The following GAS6 variants were observed in gnomAD, a reference collection of about 807,000 sequenced individuals.
GAS6 encodes the protein growth arrest specific 6, also known as growth arrest-specific protein 6.
Under a neutral mutation model 75.8 loss-of-function variants are expected in GAS6, and 41 were observed. That is an observed-to-expected ratio of 0.54 (90% CI 0.42 to 0.70). The LOEUF is 0.70. GAS6 is among the 30% of genes least tolerant of loss of function. The probability of loss-of-function intolerance (pLI) is 0.00; values close to 1 mark genes in which losing one functional copy is unlikely to be tolerated. For synonymous variants in GAS6, 432 were observed against 412.6 expected, an observed-to-expected ratio of 1.05 and a Z score of -0.57; for missense variants, 854 against 940.2, an observed-to-expected ratio of 0.91 and a Z score of 1.20.
Position 113,863,609 on chromosome 13 carries a change from TC to T in GAS6, c.220del (p.Glu74ArgfsTer20). Reference sequence around the variant, plus strand: ...GTCGTTCTCGAACACCTCCCGCGCCTCCTCGCGGCTGCACAGCTCCTCCACG... The same window carrying T: ...GTCGTTCTCGAACACCTCCCGCGCCTCTCGCGGCTGCACAGCTCCTCCACG... ...ECVEELCSRE[E>X]AREVFENDPE... On this transcript the variant is annotated frameshift_variant, in exon 2 of 15. Coordinates refer to ENST00000327773, the MANE Select transcript of GAS6 (RefSeq NM_000820.4). LOFTEE classifies it high-confidence loss of function. The surrounding 1 kb of genome is among the most constrained non-coding windows in gnomAD (Gnocchi z 9.4). The T allele has an allele frequency of 6.6e-7, 1 of 1,523,690 alleles. No homozygotes were observed. Among genetic ancestry groups the T allele is most frequent in the Admixed American group, 2.0e-5 (1 of 49,266 alleles). 94.4% of individuals were successfully genotyped at this position (1,523,690 alleles called of 1,614,324 possible).
intron 2 of GAS6, among the ~76,000 whole-genome samples, chr13:113,850,908 GGATA>G (rs1376461950): frequency 6.6e-6 from 1 of 152,154 alleles, no homozygotes; most frequent in African/African-American, 2.4e-5. Flanking sequence ...GTGAATCGGT[GGATA>G]GATTAGTGAG....
intron 2 of GAS6, among the ~76,000 whole-genome samples, chr13:113,854,392 G>A (rs1185823435): frequency 3.3e-5 from 5 of 152,250 alleles, no homozygotes; most frequent in South Asian, 2.1e-4. Context: ...GCAGCTGCAC[G>A]GCGGTAACGC....
chr13:113,848,103 C>G lies in GAS6; in HGVS notation c.256-53G>C, dbSNP rs1017496957. 16 of 1,584,174 alleles carry G rather than the reference C, an allele frequency of 1.0e-5. No individual in the cohort carries two copies. The Admixed American group carries it at 1.4e-4, about 14-fold the overall frequency. On this transcript the variant is annotated intron_variant, in intron 2 of 14. Coordinates refer to ENST00000327773, the MANE Select transcript of GAS6 (RefSeq NM_000820.4). The surrounding 1 kb of genome is among the most constrained non-coding windows in gnomAD (Gnocchi z 4.8). The stretch of plus-strand genomic sequence containing the variant: ...GCATTGACCGGCACACTACGAGGGT[C>G]TCTGAACAACATAAGCATCAGCTGG...
chr13:113,855,169 G>A (rs978487662), intron 2 of GAS6, among the ~76,000 whole-genome samples: 1 of 151,578 alleles, frequency 6.6e-6, no homozygotes, highest in African/African-American at 2.4e-5. Flanking sequence ...CCCCATCTCC[G>A]GTGAGGGCGT....
At position 113,839,849 on chromosome 13, in the gene GAS6, G is replaced by A. The variant is rs1355469016; in HGVS notation, c.345C>T (p.Asn115=). 1 of 1,613,748 alleles carries A rather than the reference G, an allele frequency of 6.2e-7. No individual in the cohort carries two copies. The highest frequency in any genetic ancestry group is 1.3e-5 in the African/African-American group (1 of 75,058). The change falls in exon 5 of 15, where the codon AAC becomes AAT. Residue 115 remains asparagine (N), a splice_region_variant and synonymous_variant. Transcript: ENST00000327773. The part of the protein sequence containing the change: ...KNSGFATCVQ[N]LPDQCTPNPC... ...GGTTGGGCGTGCACTGGTCAGGCAGGTCTGATTGGGGACACAAAGTGGAAA... is the reference window on the plus strand; with the variant it reads ...GGTTGGGCGTGCACTGGTCAGGCAGATCTGATTGGGGACACAAAGTGGAAA...
chr13:113,838,559 C>G (rs1188647021), intron 5 of GAS6, among the ~76,000 whole-genome samples: 1 of 130,340 alleles, frequency 7.7e-6, no homozygotes, highest in African/African-American at 3.0e-5. Context: ...ACAGCCCAGC[C>G]CCGGAGCAGG....
At chr13:113,861,036 C>T (rs9577919) in intron 2 of GAS6, among the ~76,000 whole-genome samples, 5,954 of 151,268 alleles carry the variant, frequency 0.039, 197 homozygotes, top group South Asian at 0.11. Context: ...GGAGGGGTGC[C>T]GGGCTTAGTA....
At chr13:113,854,291 C>T (rs1433387182) in intron 2 of GAS6, among the ~76,000 whole-genome samples, 1 of 152,214 alleles carries the variant, frequency 6.6e-6, no homozygotes, top group African/African-American at 2.4e-5. Context: ...CGGTGGGTAA[C>T]CAAGCTCTTC....
intron 11 of GAS6, 35 bp downstream of exon 11, chr13:113,828,512 C>T (rs367737697): frequency 2.0e-5 from 32 of 1,586,276 alleles, no homozygotes; most frequent in African/African-American, 2.7e-5. Flanking sequence ...TCCCAGCACA[C>T]GGCGCGTCTA....
chr13:113,820,654 C>A lies in GAS6; in HGVS notation c.*210G>T. 1 of 572,860 alleles carries A rather than the reference C, an allele frequency of 1.7e-6. No individual in the cohort carries two copies. Among genetic ancestry groups the A allele is most frequent in the Non-Finnish European group, 3.1e-6 (1 of 323,514 alleles). 35.5% of individuals were successfully genotyped at this position (572,860 alleles called of 1,614,324 possible). A position where few individuals can be genotyped will look rare whatever the true frequency, so the allele number is the denominator to read the frequency against. The stretch of plus-strand genomic sequence containing the variant: ...TTATTTTCTTCGAGCCCGCTCTGCG[C>A]TGCGCCGGCCTCCCCGCGCCCGGGC... On this transcript the variant is annotated 3_prime_UTR_variant, in exon 15 of 15. Coordinates refer to ENST00000327773, the MANE Select transcript of GAS6 (RefSeq NM_000820.4).
At chr13:113,846,705 C>T in intron 3 of GAS6, 116 bp from the exon 4 acceptor site, 2 of 807,240 alleles carry the variant, frequency 2.5e-6, no homozygotes, top group South Asian at 2.9e-5. Flanking sequence ...GGGGTGCTAT[C>T]ATCCTCCAGA....
At chr13:113,862,382 G>A (rs145351668) in intron 2 of GAS6, among the ~76,000 whole-genome samples, 2 of 152,344 alleles carry the variant, frequency 1.3e-5, no homozygotes, top group Non-Finnish European at 2.9e-5. Context: ...CCAGCCACAC[G>A]ACCAACCCCA....
intron 2 of GAS6, among the ~76,000 whole-genome samples, chr13:113,851,295 G>A (rs1377986955): frequency 1.3e-5 from 2 of 151,094 alleles, no homozygotes; most frequent in Admixed American, 6.6e-5. Context: ...GAGTGAGTGG[G>A]TGGATGAGTG....
intron 12 of GAS6, among the ~76,000 whole-genome samples, chr13:113,825,954 C>G (rs1380997691): frequency 6.6e-6 from 1 of 152,186 alleles, no homozygotes; most frequent in African/African-American, 2.4e-5. Context: ...GGAGGGGGCG[C>G]TGCCTGCCCT....
In GAS6 at chr13:113,827,145, C is replaced by T. The variant is rs1270513804; in HGVS notation, c.1328G>A (p.Gly443Asp). The T allele has an allele frequency of 6.2e-7, 1 of 1,613,022 alleles. No individual in the cohort carries two copies. Among genetic ancestry groups the T allele is most frequent in the Admixed American group, 1.7e-5 (1 of 59,936 alleles). The part of the protein sequence containing the change: ...LVQPINPRLD[G>D]CMRSWNWLNG... ...CAGCCAGTTCCAGCTCCTCATGCAG[C>T]CATCCAGACGAGGGTTTATCTGGAA... is the stretch of plus-strand genomic sequence containing the variant. Residue 443 changes from glycine to aspartate, a missense_variant, in exon 12 of 15, where the codon GGC becomes GAC. Coordinates refer to ENST00000327773, the MANE Select transcript of GAS6 (RefSeq NM_000820.4).
At chr13:113,849,392 C>A (rs1281197897) in intron 2 of GAS6, among the ~76,000 whole-genome samples, 3 of 152,164 alleles carry the variant, frequency 2.0e-5, no homozygotes, top group Non-Finnish European at 4.4e-5. Context: ...ACCAAGTGAG[C>A]CCTGGTGGAG....
At chr13:113,856,888 C>CA (rs968182738) in intron 2 of GAS6, among the ~76,000 whole-genome samples, 19 of 152,202 alleles carry the variant, frequency 1.2e-4, no homozygotes, top group African/African-American at 4.1e-4. Context: ...AATGTTGACT[C>CA]AGAGAGTGGC....
rs975153732 is a variant in GAS6, at chr13:113,837,505, A to G, written c.589+564T>C. ...TGCAAAGTGGCAAAGGGCCAGTGGCAGCAGCAGCACCTGGAACAGCGTCGG... is the reference window on the plus strand; with the variant it reads ...TGCAAAGTGGCAAAGGGCCAGTGGCGGCAGCAGCACCTGGAACAGCGTCGG... On this transcript the variant is annotated intron_variant, in intron 6 of 14. Transcript: ENST00000327773. This position sits in a 1 kb window ranked among gnomAD's most constrained non-coding sequence, Gnocchi z 5.1. Among the ~76,000 whole-genome samples, 1 of 152,152 alleles carries G rather than the reference A, an allele frequency of 6.6e-6. No individual in the cohort carries two copies. Among genetic ancestry groups the G allele is most frequent in the South Asian group, 2.1e-4 (1 of 4,836 alleles).
At chr13:113,825,949 G>A (rs1356579036) in intron 12 of GAS6, among the ~76,000 whole-genome samples, 2 of 152,214 alleles carry the variant, frequency 1.3e-5, no homozygotes. Context: ...CTGACGGAGG[G>A]GGCGCTGCCT....
Sources: gnomAD v4.1 joint callset for allele counts (sites outside exome capture counted in the v4.1 genomes callset) on GRCh38, gnomAD v4.1.1 for gene constraint, Gnocchi (gnomAD v3.1) non-coding constraint, MANE v1.5 for transcripts, NCBI Gene and HGNC (gene_info 2026-07-23, HGNC 2026-07-21) for gene names.